The following FILIP1L variants were observed in gnomAD, a reference collection of about 807,000 sequenced individuals.
The protein encoded by FILIP1L is filamin A interacting protein 1 like, also known as filamin A-interacting protein 1-like.
FILIP1L carries 55 observed loss-of-function variants against 96.6 expected under a neutral mutation model. That is an observed-to-expected ratio of 0.57 (90% CI 0.46 to 0.71). FILIP1L has a LOEUF of 0.71. FILIP1L is among the 30% of genes least tolerant of loss of function. The probability of loss-of-function intolerance (pLI) is 0.00; values close to 1 mark genes in which losing one functional copy is unlikely to be tolerated. For missense variants in FILIP1L, 1,304 were observed against 1,321.2 expected, an observed-to-expected ratio of 0.99 and a Z score of 0.20; for synonymous variants, 467 against 473.9, an observed-to-expected ratio of 0.99 and a Z score of 0.19.
At chr3:99,847,130 C>T (rs892261336) in intron 5 of FILIP1L, among the ~76,000 whole-genome samples, 2 of 151,976 alleles carry the variant, frequency 1.3e-5, no homozygotes, top group Non-Finnish European at 2.9e-5. Context: ...AACTAACATA[C>T]TGTATTTTTT....
chr3:99,905,892 C>A (rs762734720), intron 4 of FILIP1L, among the ~76,000 whole-genome samples: 2 of 152,152 alleles, frequency 1.3e-5, no homozygotes, highest in Non-Finnish European at 2.9e-5. Context: ...TTGGTAATAT[C>A]TTTTTATTTA....
At chr3:100,098,435 A>G (rs942875087) in intron 1 of FILIP1L, among the ~76,000 whole-genome samples, 1 of 152,226 alleles carries the variant, frequency 6.6e-6, no homozygotes, top group Non-Finnish European at 1.5e-5. Flanking sequence ...GCTACCTCAC[A>G]GGATTCTTGA....
At chr3:99,859,508 C>T (rs1049358694) in intron 4 of FILIP1L, among the ~76,000 whole-genome samples, 6 of 152,108 alleles carry the variant, frequency 3.9e-5, no homozygotes, top group African/African-American at 9.7e-5. Context: ...ACTTTTTCTT[C>T]CTGATTTAAT....
chr3:99,869,638 C>A (rs1338038030), intron 4 of FILIP1L, among the ~76,000 whole-genome samples: 2 of 152,182 alleles, frequency 1.3e-5, no homozygotes, highest in African/African-American at 4.8e-5. Flanking sequence ...TCTCTCTAGG[C>A]TCCTGGACCA....
intron 1 of FILIP1L, among the ~76,000 whole-genome samples, chr3:99,957,689 CTTTCTTTTT>C (rs1708363693): frequency 1.3e-4 from 1 of 7,964 alleles, no homozygotes; most frequent in Non-Finnish European, 3.0e-4. Context: ...TCTTTTCTTT[CTTTCTTTTT>C]TTTTTTTTTT....
chr3:100,066,236 G>A (rs920627051), intron 1 of FILIP1L, among the ~76,000 whole-genome samples: 1 of 152,162 alleles, frequency 6.6e-6, no homozygotes, highest in African/African-American at 2.4e-5. Context: ...GCCTCCTGCA[G>A]CTCTCTGTGG....
At chr3:99,980,900 G>C (rs554821019) in intron 1 of FILIP1L, among the ~76,000 whole-genome samples, 4 of 152,070 alleles carry the variant, frequency 2.6e-5, no homozygotes, top group Non-Finnish European at 4.4e-5. Context: ...GGTTTGAATC[G>C]GGTACTTGAA....
chr3:99,911,344 A>T (rs1241829245), intron 4 of FILIP1L, among the ~76,000 whole-genome samples: 2 of 149,220 alleles, frequency 1.3e-5, no homozygotes, highest in Non-Finnish European at 3.0e-5. Flanking sequence ...ATATGTTATT[A>T]TAACAAAATA....
chr3:99,899,953 T>C (rs1332954024), intron 4 of FILIP1L, among the ~76,000 whole-genome samples: 3 of 152,252 alleles, frequency 2.0e-5, no homozygotes, highest in Non-Finnish European at 4.4e-5. Context: ...AGGTGCTAAA[T>C]ACGGTGTTCT....
In FILIP1L at chr3:99,879,780, T is replaced by A. The variant is rs16841800; in HGVS notation, c.606-28710A>T. ...TGTGAGATAGTATATATGGAAACAC[T>A]GTCATGTACAAAGAAAAACAGCAAG... On this transcript the variant is annotated intron_variant, in intron 4 of 5. Transcript: ENST00000477258. 5.0e-3 allele frequency among the ~76,000 whole-genome samples: 761 copies of A among 152,276 alleles called. 6 individuals carry two copies. The highest frequency in any genetic ancestry group is 0.017 in the African/African-American group (718 of 41,542).
At chr3:99,831,352 T>G (rs1942664636) in intron 5 of FILIP1L, among the ~76,000 whole-genome samples, 1 of 152,224 alleles carries the variant, frequency 6.6e-6, no homozygotes, top group South Asian at 2.1e-4. Flanking sequence ...ACCCATGCTA[T>G]TGGTTGTTAA....
chr3:99,940,904 A>G (rs910085895), intron 1 of FILIP1L, among the ~76,000 whole-genome samples: 6 of 152,188 alleles, frequency 3.9e-5, no homozygotes, highest in African/African-American at 1.2e-4. Context: ...AGGAACTGTG[A>G]CTAGAATAGA....
At chr3:100,091,855 T>C (rs2066116200) in intron 1 of FILIP1L, among the ~76,000 whole-genome samples, 1 of 152,184 alleles carries the variant, frequency 6.6e-6, no homozygotes, top group South Asian at 2.1e-4. Context: ...CGATTCCACG[T>C]TGGGCCTGAG....
intron 4 of FILIP1L, among the ~76,000 whole-genome samples, chr3:99,893,826 T>C (rs1706166924): frequency 6.6e-6 from 1 of 152,210 alleles, no homozygotes; most frequent in African/African-American, 2.4e-5. Flanking sequence ...CTTAAAAATA[T>C]CTTTAGGTTT....
intron 1 of FILIP1L, among the ~76,000 whole-genome samples, chr3:99,931,312 G>A (rs1183732708): frequency 6.6e-6 from 1 of 152,150 alleles, no homozygotes; most frequent in Non-Finnish European, 1.5e-5. Context: ...CATCCCCCAA[G>A]CATTCCACCT....
At chr3:99,941,830 T>G (rs1282353151) in intron 1 of FILIP1L, among the ~76,000 whole-genome samples, 1 of 152,156 alleles carries the variant, frequency 6.6e-6, no homozygotes, top group Non-Finnish European at 1.5e-5. Flanking sequence ...ATTTGTGAGG[T>G]GTTTTTCAGA....
intron 1 of FILIP1L, among the ~76,000 whole-genome samples, chr3:100,001,985 A>G (rs1013651968): frequency 1.3e-5 from 2 of 152,074 alleles, no homozygotes; most frequent in African/African-American, 2.4e-5. Flanking sequence ...ATCCCCCCCA[A>G]TTCTGAAGCT....
In FILIP1L at chr3:100,098,778, T is replaced by C. The variant is rs532947634; in HGVS notation, c.-11+15275A>G. Among the ~76,000 whole-genome samples, 60 of 152,346 alleles carry C rather than the reference T, an allele frequency of 3.9e-4. No homozygotes were observed. The South Asian group carries it at 0.012, about 30-fold the overall frequency. On this transcript the variant is annotated intron_variant, in intron 1 of 5. Coordinates refer to ENST00000477258, the MANE Select transcript of FILIP1L (RefSeq NM_001387850.1). ...TGAAAACAAACCATTAGCAAGGATC[T>C]GTTTTTAAAAATGCCTTTCTTAAAC...
At chr3:100,005,158 C>G (rs1252686393) in intron 1 of FILIP1L, among the ~76,000 whole-genome samples, 1 of 152,192 alleles carries the variant, frequency 6.6e-6, no homozygotes, top group Non-Finnish European at 1.5e-5. Context: ...AGTGGAGTTA[C>G]AACCAGGAAA....
Sources: allele counts gnomAD v4.1 joint callset (sites outside exome capture counted in the v4.1 genomes callset), GRCh38; gene constraint gnomAD v4.1.1; transcripts MANE v1.5; gene names NCBI Gene and HGNC (gene_info 2026-07-23, HGNC 2026-07-21).